Variants in DEPDC1B observed in about 807,000 individuals in gnomAD.
The protein encoded by DEPDC1B is DEP domain containing 1B.
In DEPDC1B, 51 loss-of-function variants were observed where a neutral mutation model predicts 66.5. The ratio of observed to expected loss-of-function variants is 0.77; its 90% confidence interval spans 0.61 to 0.97. The LOEUF (loss-of-function observed/expected upper bound fraction) is 0.97, where lower values mean the gene tolerates loss of function less well. DEPDC1B is among the 50% of genes least tolerant of loss of function. The probability of loss-of-function intolerance (pLI) is 0.00; values close to 1 mark genes in which losing one functional copy is unlikely to be tolerated. For synonymous variants in DEPDC1B, 226 were observed against 223.6 expected, an observed-to-expected ratio of 1.01 and a Z score of -0.10; for missense variants, 552 against 637.1, an observed-to-expected ratio of 0.87 and a Z score of 1.44.
At chr5:60,640,464 C>G (rs1198340647) in intron 6 of DEPDC1B, among the ~76,000 whole-genome samples, 1 of 152,142 alleles carries the variant, frequency 6.6e-6, no homozygotes, top group African/African-American at 2.4e-5. Context: ...CCTTTTCTTT[C>G]TCAGTCATCT....
rs1491452164 is a variant in DEPDC1B at position 60,667,570 on chromosome 5, A to AT, written c.314+19391_314+19392insA. Among the ~76,000 whole-genome samples the AT allele has an allele frequency of 6.2e-5, 9 of 144,752 alleles. 1 individual carries two copies. The highest frequency in any genetic ancestry group is 1.0e-4 in the African/African-American group (4 of 39,820). The allele number at this position is 144,752 out of a possible 152,430, so 95.0% of individuals were successfully genotyped here. A position where few individuals can be genotyped will look rare whatever the true frequency, so the allele number is the denominator to read the frequency against. On this transcript the variant is annotated intron_variant, in intron 2 of 10. Coordinates refer to ENST00000265036, the MANE Select transcript of DEPDC1B (RefSeq NM_018369.3). ...AATGGATATTTTACATATATAAAAA[A>AT]GTGGATATTTTACATATATAAAAAT...
At chr5:60,635,286 G>A (rs1753020291) in intron 7 of DEPDC1B, among the ~76,000 whole-genome samples, 1 of 152,178 alleles carries the variant, frequency 6.6e-6, no homozygotes, top group Non-Finnish European at 1.5e-5. Context: ...AGGGCAGAGA[G>A]GTAATAAGGC....
At position 60,689,681 on chromosome 5, in the gene DEPDC1B, C is replaced by CTT. The variant is rs201360200; in HGVS notation, c.49-2456_49-2455dup. On this transcript the variant is annotated intron_variant, in intron 1 of 10. Coordinates refer to ENST00000265036, the MANE Select transcript of DEPDC1B (RefSeq NM_018369.3). ...TAAATGCTTATATAAGATGTGATCT[C>CTT]TTTTTTTTTTTCAGCCACTTTACTT... 4.7e-4 allele frequency among the ~76,000 whole-genome samples: 69 copies of CTT among 147,284 alleles called. 4 individuals carry two copies. In the South Asian group the frequency reaches 0.01, roughly 22 times the overall value.
intron 2 of DEPDC1B, among the ~76,000 whole-genome samples, chr5:60,653,898 G>A (rs1246547983): frequency 6.7e-6 from 1 of 148,792 alleles, no homozygotes; most frequent in Admixed American, 6.7e-5. Flanking sequence ...TTGCTTTGTT[G>A]AAGATCAGTT....
intron 7 of DEPDC1B, among the ~76,000 whole-genome samples, chr5:60,632,828 G>A (rs924199366): frequency 6.6e-6 from 1 of 152,222 alleles, no homozygotes; most frequent in Non-Finnish European, 1.5e-5. Context: ...ATTTTAGGTG[G>A]CTGTGGTGGT....
chr5:60,655,095 T>C (rs1170196988), intron 2 of DEPDC1B, among the ~76,000 whole-genome samples: 1 of 149,170 alleles, frequency 6.7e-6, no homozygotes, highest in Non-Finnish European at 1.5e-5. Context: ...TATTTTTTGT[T>C]ATATCCTTTC....
chr5:60,614,556 CTTTT>C (rs893031286), intron 7 of DEPDC1B, among the ~76,000 whole-genome samples: 1 of 151,826 alleles, frequency 6.6e-6, no homozygotes, highest in Non-Finnish European at 1.5e-5. Flanking sequence ...AATCTCTTCT[CTTTT>C]TTTTAATTTA....
intron 7 of DEPDC1B, among the ~76,000 whole-genome samples, chr5:60,611,863 G>A (rs1752419978): frequency 6.6e-6 from 1 of 152,222 alleles, no homozygotes; most frequent in Admixed American, 6.5e-5. Context: ...TAATGTAGAA[G>A]CTGCAGCAAG....
At chr5:60,612,902 C>T (rs1752452573) in intron 7 of DEPDC1B, among the ~76,000 whole-genome samples, 1 of 152,064 alleles carries the variant, frequency 6.6e-6, no homozygotes, top group Non-Finnish European at 1.5e-5. Flanking sequence ...CCATCATTGC[C>T]ACAAATAACT....
chr5:60,623,582 A>G (rs1248762169), intron 7 of DEPDC1B, among the ~76,000 whole-genome samples: 3 of 152,208 alleles, frequency 2.0e-5, no homozygotes, highest in Non-Finnish European at 4.4e-5. Context: ...ACCAAGCTAA[A>G]TAATCCATGT....
intron 2 of DEPDC1B, among the ~76,000 whole-genome samples, chr5:60,665,595 CA>C (rs1385224631): frequency 1.3e-5 from 2 of 152,184 alleles, no homozygotes; most frequent in African/African-American, 4.8e-5. Context: ...AAGGAAATCT[CA>C]ACTGCATGAC....
Position 60,599,176 on chromosome 5 carries a change from G to A in DEPDC1B, c.1327C>T (p.Gln443Ter), listed in dbSNP as rs751874931. Reference sequence around the variant, plus strand: ...GGTTCCTGAGAGCCATATGATCTTTGATATTCAAATTCCTCTGGACTAATT... The same window carrying A: ...GGTTCCTGAGAGCCATATGATCTTTAATATTCAAATTCCTCTGGACTAATT... ...RQISPEEFEY[Q>*]RSYGSQEPLA... Residue 443 changes from glutamine to a stop codon, truncating the protein, a stop_gained, in exon 10 of 11, where the codon CAA (glutamine) becomes TAA (stop). Coordinates refer to ENST00000265036, the MANE Select transcript of DEPDC1B (RefSeq NM_018369.3). LOFTEE classifies it high-confidence loss of function. The A allele has an allele frequency of 1.2e-6, 2 of 1,613,418 alleles. No homozygotes were observed. The highest frequency in any genetic ancestry group is 1.7e-6 in the Non-Finnish European group (2 of 1,179,650).
chr5:60,615,891 G>C (rs369050986), intron 7 of DEPDC1B, among the ~76,000 whole-genome samples: 1 of 152,194 alleles, frequency 6.6e-6, no homozygotes, highest in Non-Finnish European at 1.5e-5. Flanking sequence ...GAGGCACCCC[G>C]CAGTAGGGGC....
At chr5:60,620,597 C>T (rs917367199) in intron 7 of DEPDC1B, among the ~76,000 whole-genome samples, 1 of 152,172 alleles carries the variant, frequency 6.6e-6, no homozygotes, top group African/African-American at 2.4e-5. Flanking sequence ...GAGATACCAT[C>T]TCACACCAGT....
In DEPDC1B at chr5:60,647,428, T is replaced by C. The variant is rs1753345061; in HGVS notation, c.420A>G (p.Gln140=). 6.2e-7 allele frequency: 1 copy of C among 1,612,054 alleles called. No individual in the cohort carries two copies. The highest frequency in any genetic ancestry group is 8.5e-7 in the Non-Finnish European group (1 of 1,179,338). The change falls in exon 3 of 11, where the codon CAA becomes CAG. Residue 140 remains glutamine, a synonymous_variant. Transcript: ENST00000265036. Reference sequence around the variant, plus strand: ...CAACTGGCCTCACTGGGATGTTCTCTTGTGAAGTGCCTGGTGGGAGATCAT... The same window carrying C: ...CAACTGGCCTCACTGGGATGTTCTCCTGTGAAGTGCCTGGTGGGAGATCAT... ...EWNDLPPGTS[Q]ENIPVRPVVM...
intron 2 of DEPDC1B, among the ~76,000 whole-genome samples, chr5:60,677,326 A>ACACACACTCTCTCTCTCTCTCT (rs770640655): frequency 2.8e-5 from 3 of 108,526 alleles, no homozygotes; most frequent in African/African-American, 1.2e-4. Context: ...ACACACACAC[A>ACACACACTCTCTCTCTCTCTCT]CTCTCTCTCT....
At chr5:60,685,655 A>G (rs1174757203) in intron 2 of DEPDC1B, among the ~76,000 whole-genome samples, 7 of 152,208 alleles carry the variant, frequency 4.6e-5, no homozygotes, top group Non-Finnish European at 1.0e-4. Context: ...TAAGGTCACA[A>G]TAGAATAGAA....
intron 2 of DEPDC1B, among the ~76,000 whole-genome samples, chr5:60,685,840 A>C (rs1754400167): frequency 6.6e-6 from 1 of 152,218 alleles, no homozygotes; most frequent in South Asian, 2.1e-4. Flanking sequence ...CTAAGGTCTC[A>C]GAATAGGTCA....
intron 2 of DEPDC1B, among the ~76,000 whole-genome samples, chr5:60,665,668 C>A (rs748225131): frequency 5.5e-4 from 83 of 152,278 alleles, no homozygotes; most frequent in Non-Finnish European, 8.5e-4. Context: ...ACCTCCCCAA[C>A]AACACTTGGG....
Sources: gnomAD v4.1 joint callset for allele counts (sites outside exome capture counted in the v4.1 genomes callset) on GRCh38, gnomAD v4.1.1 for gene constraint, MANE v1.5 for transcripts, NCBI Gene and HGNC (gene_info 2026-07-23, HGNC 2026-07-21) for gene names.